The following RB1CC1 variants were observed in gnomAD, a reference collection of about 807,000 sequenced individuals.
RB1CC1 encodes RB1 inducible coiled-coil 1, also known as RB1-inducible coiled-coil protein 1.
RB1CC1 carries 46 observed loss-of-function variants against 177.5 expected under a neutral mutation model. That is an observed-to-expected ratio of 0.26 (90% confidence interval 0.20 to 0.33). The LOEUF (loss-of-function observed/expected upper bound fraction) is 0.33. Ranked by LOEUF, RB1CC1 falls within the 10% of genes least tolerant of loss-of-function variation. RB1CC1 has a pLI of 1.00. For missense variants in RB1CC1, 1,703 were observed against 1,816.3 expected, an observed-to-expected ratio of 0.94 and a Z score of 1.13; for synonymous variants, 666 against 613.6, an observed-to-expected ratio of 1.09 and a Z score of -1.26.
intron 5 of RB1CC1, among the ~76,000 whole-genome samples, chr8:52,679,208 T>C (rs1469602296): frequency 1.3e-5 from 2 of 152,212 alleles, no homozygotes; most frequent in African/African-American, 4.8e-5. Flanking sequence ...CTAAATAAGA[T>C]AGCTACAAAG....
At chr8:52,675,534 T>A (rs553469144) in intron 6 of RB1CC1, among the ~76,000 whole-genome samples, 43 of 152,078 alleles carry the variant, frequency 2.8e-4, no homozygotes, top group African/African-American at 9.6e-4. Context: ...TAAATGTACT[T>A]CTATGCAAAG....
intron 20 of RB1CC1, among the ~76,000 whole-genome samples, chr8:52,634,575 A>G (rs1848991534): frequency 6.6e-6 from 1 of 152,164 alleles, no homozygotes; most frequent in Non-Finnish European, 1.5e-5. Context: ...ACTTGTGAGT[A>G]AATATATTAA....
chr8:52,701,608 G>A (rs778205825), intron 1 of RB1CC1, among the ~76,000 whole-genome samples: 1 of 151,890 alleles, frequency 6.6e-6, no homozygotes, highest in Non-Finnish European at 1.5e-5. Flanking sequence ...GCTCAGGCTG[G>A]TCATGAATTC....
In RB1CC1 at chr8:52,683,638, T is replaced by C. The variant is rs764119328; in HGVS notation, c.280A>G (p.Thr94Ala). The C allele has an allele frequency of 1.2e-6, 2 of 1,612,644 alleles. No individual in the cohort carries two copies. Among genetic ancestry groups the C allele is most frequent in the South Asian group, 1.1e-5 (1 of 90,684 alleles). ...PPAIPKTTFS[T>A]ENDMEIKVEE... ...ACTTTTATTTCCATGTCATTTTCTG[T>C]CGAAAAGGTAGTTTTAGGAATAGCA... The change falls in exon 5 of 24, where the codon ACA becomes GCA. Residue 94 changes from threonine to alanine, a missense_variant. Coordinates refer to ENST00000025008, the MANE Select transcript of RB1CC1 (RefSeq NM_014781.5).
chr8:52,686,405 A>G (rs548208704), intron 2 of RB1CC1, among the ~76,000 whole-genome samples: 1 of 152,134 alleles, frequency 6.6e-6, no homozygotes, highest in Non-Finnish European at 1.5e-5. Context: ...AATTAGACAC[A>G]CTTGGTGGCG....
chr8:52,677,689 A>T (rs1256741211), intron 5 of RB1CC1, among the ~76,000 whole-genome samples: 1 of 152,234 alleles, frequency 6.6e-6, no homozygotes, highest in African/African-American at 2.4e-5. Flanking sequence ...TACCAAAGTA[A>T]ATAAGTAAGA....
At chr8:52,698,022 T>C (rs1855604111) in intron 1 of RB1CC1, among the ~76,000 whole-genome samples, 1 of 152,212 alleles carries the variant, frequency 6.6e-6, no homozygotes, top group Non-Finnish European at 1.5e-5. Flanking sequence ...ACTTTTATTA[T>C]TCATATTTTA....
rs998589761 is a variant in RB1CC1 at position 52,696,076 on chromosome 8, C to T, written c.-166-9109G>A. On this transcript the variant is annotated intron_variant, in intron 1 of 23. Coordinates refer to ENST00000025008, the MANE Select transcript of RB1CC1 (RefSeq NM_014781.5). ...TTTTTGTTTTTCAGACGGAGTCTTGCTCTTGTCGCCCAGACTGGAGTGCAA... is the reference window on the plus strand; with the variant it reads ...TTTTTGTTTTTCAGACGGAGTCTTGTTCTTGTCGCCCAGACTGGAGTGCAA... Among the ~76,000 whole-genome samples, 5 of 152,318 alleles carry T rather than the reference C, an allele frequency of 3.3e-5. No individual in the cohort carries two copies. The East Asian group carries it at 5.8e-4, about 18-fold the overall frequency.
intron 16 of RB1CC1, among the ~76,000 whole-genome samples, chr8:52,643,456 T>G (rs945882377): frequency 6.6e-5 from 10 of 152,146 alleles, no homozygotes; most frequent in Admixed American, 3.3e-4. Flanking sequence ...ATCTCAGCAC[T>G]TTGGGAGACT....
rs201253186 is a variant in RB1CC1 at position 52,658,847 on chromosome 8, T to C, written c.1793+26A>G. 2.1e-6 allele frequency: 3 copies of C among 1,463,380 alleles called. No homozygotes were observed. In the East Asian group the frequency reaches 7.1e-5, roughly 35 times the overall value. The allele number at this position is 1,463,380 out of a possible 1,614,324, so 90.6% of individuals were successfully genotyped here. A position where few individuals can be genotyped will look rare whatever the true frequency, so the allele number is the denominator to read the frequency against. On this transcript the variant is annotated intron_variant, in intron 13 of 23. Transcript: ENST00000025008. Reference sequence around the variant, plus strand: ...ATAAAAACATTTTAAGGTTATAAATTAACTGAAAATACTAATGACATTTAC... The same window carrying C: ...ATAAAAACATTTTAAGGTTATAAATCAACTGAAAATACTAATGACATTTAC...
At chr8:52,642,939 GA>G in intron 16 of RB1CC1, 127 bp from the exon 17 acceptor site, 1 of 1,070,780 alleles carries the variant, frequency 9.3e-7, no homozygotes, top group Non-Finnish European at 1.2e-6. Context: ...TATGATTCAT[GA>G]AATGTTTTAA....
intron 16 of RB1CC1, among the ~76,000 whole-genome samples, chr8:52,644,932 A>G (rs1353606003): frequency 1.3e-5 from 2 of 152,212 alleles, no homozygotes; most frequent in African/African-American, 4.8e-5. Context: ...TTCTAGCAGT[A>G]GCTACCAAAT....
At chr8:52,639,248 G>A (rs117118127) in intron 18 of RB1CC1, among the ~76,000 whole-genome samples, 2,231 of 152,080 alleles carry the variant, frequency 0.015, 13 homozygotes, top group Middle Eastern at 0.031. Flanking sequence ...TTTTCTTCAC[G>A]AAGTCTTGCG....
intron 1 of RB1CC1, among the ~76,000 whole-genome samples, chr8:52,694,203 G>A (rs1298449870): frequency 6.6e-6 from 1 of 152,156 alleles, no homozygotes; most frequent in Non-Finnish European, 1.5e-5. Flanking sequence ...CCCTACTGCT[G>A]GCAACTGCAG....
chr8:52,635,050 C>T (rs566705904), intron 19 of RB1CC1, 82 bp from the exon 20 acceptor site: 44 of 1,290,810 alleles, frequency 3.4e-5, no homozygotes, highest in Non-Finnish European at 4.2e-5. Context: ...AAGTTTTCAT[C>T]AGACAAAAAT....
intron 16 of RB1CC1, chr8:52,643,157 T>G (rs186453609): frequency 6.0e-6 from 1 of 167,678 alleles, no homozygotes; most frequent in Admixed American, 6.2e-5. Context: ...TCTGAAACCT[T>G]CCTTTTGTCT....
intron 12 of RB1CC1, among the ~76,000 whole-genome samples, chr8:52,660,071 C>T (rs745620587): frequency 2.6e-5 from 4 of 152,178 alleles, no homozygotes; most frequent in Non-Finnish European, 5.9e-5. Flanking sequence ...ATCATGGAAA[C>T]GTTTCTTCTC....
chr8:52,639,580 T>C (rs1849408794), intron 18 of RB1CC1, among the ~76,000 whole-genome samples: 1 of 152,188 alleles, frequency 6.6e-6, no homozygotes, highest in Non-Finnish European at 1.5e-5. Context: ...CAATATGAAA[T>C]ACGATGCTTG....
At chr8:52,697,069 A>G (rs1214876444) in intron 1 of RB1CC1, among the ~76,000 whole-genome samples, 1 of 152,124 alleles carries the variant, frequency 6.6e-6, no homozygotes, top group African/African-American at 2.4e-5. Flanking sequence ...ACCTCCAGCT[A>G]ATAGCGATTC....
Sources: gnomAD v4.1 joint callset for allele counts (sites outside exome capture counted in the v4.1 genomes callset) on GRCh38, gnomAD v4.1.1 for gene constraint, MANE v1.5 for transcripts, NCBI Gene and HGNC (gene_info 2026-07-23, HGNC 2026-07-21) for gene names.